The following USP42 variants were observed in gnomAD, a reference collection of about 807,000 sequenced individuals.
USP42 encodes ubiquitin specific peptidase 42.
USP42 carries 23 observed loss-of-function variants against 113.0 expected under a neutral mutation model. The observed-to-expected ratio is 0.20, with a 90% CI of 0.15 to 0.29. The LOEUF is 0.29. USP42 is among the 10% of genes least tolerant of loss of function. The pLI is 1.00. For synonymous variants in USP42, 933 were observed against 699.0 expected (o/e 1.33, Z -5.28); for missense variants, 2,174 against 1,779.8 (o/e 1.22, Z -3.99).
At chr7:6,113,277 T>G (rs1469116186) in intron 2 of USP42, among the ~76,000 whole-genome samples, 2 of 152,074 alleles carry the variant, frequency 1.3e-5, no homozygotes, top group Non-Finnish European at 2.9e-5. Context: ...GAAGTTTATA[T>G]CATGAAACAC....
At chr7:6,124,728 C>T (rs977114192) in intron 3 of USP42, among the ~76,000 whole-genome samples, 6 of 151,824 alleles carry the variant, frequency 4.0e-5, no homozygotes, top group African/African-American at 1.5e-4. Flanking sequence ...CTATTTGTCC[C>T]ATTTATTCTT....
intron 2 of USP42, among the ~76,000 whole-genome samples, chr7:6,113,740 G>C (rs1779729028): frequency 6.6e-6 from 1 of 152,022 alleles, no homozygotes; most frequent in Non-Finnish European, 1.5e-5. Flanking sequence ...TCCTGCCTCA[G>C]CCTCCTGAGT....
At chr7:6,133,472 GTCTAA>G (rs1382692299) in intron 3 of USP42, among the ~76,000 whole-genome samples, 1 of 152,106 alleles carries the variant, frequency 6.6e-6, no homozygotes, top group Admixed American at 6.6e-5. Flanking sequence ...CTTCTGTGGT[GTCTAA>G]TCTGTTATTA....
chr7:6,085,423 C>G, the USP42 span, among the ~76,000 whole-genome samples: 1 of 150,574 alleles, frequency 6.6e-6, no homozygotes, highest in Non-Finnish European at 1.5e-5. Context: ...CCGTGCCCGG[C>G]CACCATCCCC....
At chr7:6,160,391 C>A (rs1230974072) in intron 17 of USP42, among the ~76,000 whole-genome samples, 164 bp from the exon 18 acceptor site, 2 of 151,086 alleles carry the variant, frequency 1.3e-5, no homozygotes, top group Admixed American at 6.6e-5. Flanking sequence ...CTGCCCGCAC[C>A]GCCAGTTCCC....
Position 6,154,564 on chromosome 7 carries a change from G to T in USP42, c.3010G>T (p.Asp1004Tyr), listed in dbSNP as rs368185315. 6.4e-7 allele frequency: 1 copy of T among 1,554,628 alleles called. No individual in the cohort carries two copies. Among genetic ancestry groups the T allele is most frequent in the Non-Finnish European group, 8.7e-7 (1 of 1,151,798 alleles). The change falls in exon 15 of 18, where the codon GAC becomes TAC. Residue 1004 changes from aspartate (D) to tyrosine (Y), a missense_variant. Transcript: ENST00000306177. The stretch of plus-strand genomic sequence containing the variant: ...CCCGGAGCACCACCCCGGCCACGGC[G>T]ACAGGCTCAGCCCTGGCGAGCGCCG... Reference protein sequence around the residue: ...HAPEHHPGHGDRLSPGERRSL... With the variant: ...HAPEHHPGHGYRLSPGERRSL...
In USP42 at chr7:6,154,774, T is replaced by C; in HGVS notation, c.3220T>C (p.Trp1074Arg). Reference protein sequence around the residue: ...DRYALYAARDWKPFHGGREHE... With the variant: ...DRYALYAARDRKPFHGGREHE... ...GTACGCCCTGTACGCTGCCCGGGAC[T>C]GGAAGCCCTTCCACGGCGGCCGCGA... The change falls in exon 15 of 18, where the codon TGG becomes CGG. Residue 1074 changes from tryptophan to arginine, a missense_variant. Transcript: ENST00000306177. 3.2e-6 allele frequency: 5 copies of C among 1,553,310 alleles called. No individual in the cohort carries two copies. The highest frequency in any genetic ancestry group is 3.5e-6 in the Non-Finnish European group (4 of 1,149,682).
At position 6,158,234 on chromosome 7, in the gene USP42, A is replaced by G. The variant is rs1782573588; in HGVS notation, c.3943+1179A>G. Among the ~76,000 whole-genome samples, 1 of 152,208 alleles carries G rather than the reference A, an allele frequency of 6.6e-6. No homozygotes were observed. Among genetic ancestry groups the G allele is most frequent in the East Asian group, 1.9e-4 (1 of 5,194 alleles). On this transcript the variant is annotated intron_variant, in intron 16 of 17. Coordinates refer to ENST00000306177, the MANE Select transcript of USP42 (RefSeq NM_032172.3). This position sits in a 1 kb window ranked among gnomAD's most constrained non-coding sequence, Gnocchi z 4.2. ...CACGCTGTCTGGCGGCTTCGCTGTCACTGCCTGGCAGAGGTGAGTGGCTGC... is the reference window on the plus strand; with the variant it reads ...CACGCTGTCTGGCGGCTTCGCTGTCGCTGCCTGGCAGAGGTGAGTGGCTGC...
chr7:6,101,429 G>A (rs1277664606), upstream of USP42, among the ~76,000 whole-genome samples: 1 of 151,230 alleles, frequency 6.6e-6, no homozygotes, highest in Admixed American at 6.6e-5. Flanking sequence ...AAGGAAACAG[G>A]TTAAGTAATT....
upstream of USP42, among the ~76,000 whole-genome samples, chr7:6,104,595 G>A (rs1180471419): frequency 2.6e-5 from 4 of 152,318 alleles, no homozygotes; most frequent in East Asian, 1.9e-4. Flanking sequence ...AAAGCCCAAA[G>A]TCCTACGCCC....
chr7:6,107,572 G>A (rs970875250), intron 1 of USP42, among the ~76,000 whole-genome samples: 5 of 152,062 alleles, frequency 3.3e-5, no homozygotes, highest in South Asian at 4.2e-4. Flanking sequence ...ACCACGCCTG[G>A]CTAATTTTGT....
chr7:6,156,484 C>G (rs1583698233), intron 15 of USP42, among the ~76,000 whole-genome samples: 1 of 152,304 alleles, frequency 6.6e-6, no homozygotes, highest in Non-Finnish European at 1.5e-5. Context: ...GGGTCTTGCT[C>G]TGTTGCCCAG....
chr7:6,090,805 T>C, the USP42 span, among the ~76,000 whole-genome samples: 1 of 144,658 alleles, frequency 6.9e-6, no homozygotes, highest in African/African-American at 2.7e-5. Context: ...ATATAACATA[T>C]AGTTATATAT....
intron 3 of USP42, among the ~76,000 whole-genome samples, chr7:6,115,943 A>G (rs1173601585): frequency 6.6e-6 from 1 of 152,024 alleles, no homozygotes; most frequent in Non-Finnish European, 1.5e-5. Flanking sequence ...TACTAAAAAT[A>G]AAAATAAAAA....
At chr7:6,102,246 C>A (rs1386895549), upstream of USP42, among the ~76,000 whole-genome samples, 2 of 149,034 alleles carry the variant, frequency 1.3e-5, no homozygotes, top group African/African-American at 5.1e-5. Context: ...CTCCCAGTAG[C>A]TGGGATTACA....
intron 3 of USP42, among the ~76,000 whole-genome samples, chr7:6,126,753 G>A (rs976688432): frequency 1.3e-5 from 2 of 152,012 alleles, no homozygotes; most frequent in African/African-American, 4.8e-5. Flanking sequence ...CTGGTTTTGG[G>A]GGATTGTGAG....
intron 7 of USP42, among the ~76,000 whole-genome samples, chr7:6,141,884 C>T (rs1435532354): frequency 6.6e-6 from 1 of 152,156 alleles, no homozygotes; most frequent in South Asian, 2.1e-4. Flanking sequence ...ATGTACTGCT[C>T]CAGAATGTAT....
the USP42 span, chr7:6,081,246 TGCTAGCGTTCAGCG>T: frequency 2.6e-5 from 4 of 152,186 alleles, no homozygotes; most frequent in Non-Finnish European, 4.4e-5. Flanking sequence ...CTTCTGTCGG[TGCTAGCGTTCAGCG>T]GCTAACGGAG....
At chr7:6,100,550 G>A (rs1790091059), upstream of USP42, among the ~76,000 whole-genome samples, 1 of 150,570 alleles carries the variant, frequency 6.6e-6, no homozygotes. Context: ...GGCTTGTCTC[G>A]AACTCCTGAC....
Sources: gnomAD v4.1 joint callset for allele counts (sites outside exome capture counted in the v4.1 genomes callset) on GRCh38, gnomAD v4.1.1 for gene constraint, Gnocchi (gnomAD v3.1) non-coding constraint, MANE v1.5 for transcripts, NCBI Gene and HGNC (gene_info 2026-07-23, HGNC 2026-07-21) for gene names.